WNT8B: variants seen among roughly 807,000 people sequenced by gnomAD.
WNT8B encodes the protein protein Wnt-8b.
In WNT8B, 24 loss-of-function variants were observed where a neutral mutation model predicts 36.6. The observed-to-expected ratio is 0.66, with a 90% CI of 0.48 to 0.92. WNT8B has a LOEUF of 0.92. Ranked by LOEUF, WNT8B falls within the 40% of genes least tolerant of loss-of-function variation. WNT8B has a pLI of 0.00. For synonymous variants in WNT8B, 199 were observed against 189.8 expected (o/e 1.05, Z -0.40); for missense variants, 402 against 470.8 (o/e 0.85, Z 1.35).
chr10:100,478,590 T>TG (rs1422964681), intron 1 of WNT8B, among the ~76,000 whole-genome samples: 1 of 152,028 alleles, frequency 6.6e-6, no homozygotes, highest in Non-Finnish European at 1.5e-5. Context: ...TGTTTTTTTT[T>TG]TTTTGTTTTG....
rs566864158 is a variant in WNT8B at position 100,483,653 on chromosome 10, C to T, written c.*837C>T. The T allele has an allele frequency of 6.6e-6, 1 of 152,240 alleles. No individual in the cohort carries two copies. The highest frequency in any genetic ancestry group is 2.4e-5 in the African/African-American group (1 of 41,440). 9.4% of individuals were successfully genotyped at this position (152,240 alleles called of 1,614,324 possible). A position where few individuals can be genotyped will look rare whatever the true frequency, so the allele number is the denominator to read the frequency against. ...ACTTCCTCCTAGCAACCAACTTTAC[C>T]TCTTCTTCTCCAAAGGATCTTTGTT... On this transcript the variant is annotated 3_prime_UTR_variant, in exon 6 of 6. Transcript: ENST00000343737.
chr10:100,478,789 G>C (rs771320649), intron 1 of WNT8B, among the ~76,000 whole-genome samples: 2 of 151,922 alleles, frequency 1.3e-5, no homozygotes, highest in Non-Finnish European at 2.9e-5. Context: ...ACTATGTTTG[G>C]CCATGCTGGT....
intron 1 of WNT8B, among the ~76,000 whole-genome samples, chr10:100,463,524 T>C (rs987835588): frequency 6.6e-6 from 1 of 152,202 alleles, no homozygotes; most frequent in African/African-American, 2.4e-5. Context: ...AGCAGCCCTT[T>C]TCACGAAATC....
At chr10:100,470,103 C>T (rs748194781) in intron 1 of WNT8B, among the ~76,000 whole-genome samples, 2 of 152,172 alleles carry the variant, frequency 1.3e-5, no homozygotes, top group Admixed American at 6.5e-5. Context: ...ATGTCTCTCT[C>T]CTAAAGTAGA....
chr10:100,479,226 G>A (rs1589725649), intron 2 of WNT8B, 141 bp downstream of exon 2: 1 of 784,192 alleles, frequency 1.3e-6, no homozygotes, highest in South Asian at 2.5e-5. Context: ...AGACCCAGAG[G>A]GTGTTAGGGA....
intron 1 of WNT8B, among the ~76,000 whole-genome samples, chr10:100,475,016 G>A (rs988660888): frequency 6.6e-6 from 1 of 152,012 alleles, no homozygotes; most frequent in African/African-American, 2.4e-5. Flanking sequence ...CAAGGTGGGC[G>A]GATCACCTGA....
At chr10:100,470,794 C>T (rs751106689) in intron 1 of WNT8B, among the ~76,000 whole-genome samples, 26 of 152,126 alleles carry the variant, frequency 1.7e-4, no homozygotes, top group Middle Eastern at 3.2e-3. Flanking sequence ...TAGGCTGGAG[C>T]GCAGTGGCGC....
At position 100,482,807 on chromosome 10, in the gene WNT8B, A is replaced by C; in HGVS notation, c.1047A>C (p.Arg349Ser). 9 of 1,569,318 alleles carry C rather than the reference A, an allele frequency of 5.7e-6. No individual in the cohort carries two copies. The highest frequency in any genetic ancestry group is 7.8e-6 in the Non-Finnish European group (9 of 1,156,486). The change falls in exon 6 of 6, where the codon AGA (arginine) becomes AGC (serine). Residue 349 changes from arginine to serine, a missense_variant. By Grantham distance (110) the Arg-to-Ser change is moderately radical (BLOSUM62 -1). Transcript: ENST00000343737. This position sits in a 1 kb window ranked among gnomAD's most constrained non-coding sequence, Gnocchi z 6.6. ...GGGGCGCTGCGCACAAACCCGGGAG[A>C]AAACCCTAAGGGTTTCCTCTGCCCC... ...PRGGAAHKPG[R>S]KP
In WNT8B at chr10:100,479,061, C is replaced by T; in HGVS notation, c.78C>T (p.Asn26=). The change falls in exon 2 of 6, where the codon AAC becomes AAT. Residue 26 remains asparagine (N), a synonymous_variant. Coordinates refer to ENST00000343737, the MANE Select transcript of WNT8B (RefSeq NM_003393.4). Reference sequence around the variant, plus strand: ...TTTTTTTCCCTTATAGGTCGGTGAACAATTTCCTGATGACTGGTCCAAAGG... The same window carrying T: ...TTTTTTTCCCTTATAGGTCGGTGAATAATTTCCTGATGACTGGTCCAAAGG... The part of the protein sequence containing the change: ...VLQLSHSWSV[N]NFLMTGPKAY... 2 of 1,599,180 alleles carry T rather than the reference C, an allele frequency of 1.3e-6. No individual in the cohort carries two copies. Among genetic ancestry groups the T allele is most frequent in the Non-Finnish European group, 8.5e-7 (1 of 1,176,236 alleles).
At chr10:100,464,278 C>T (rs1850887814) in intron 1 of WNT8B, among the ~76,000 whole-genome samples, 1 of 152,080 alleles carries the variant, frequency 6.6e-6, no homozygotes, top group Admixed American at 6.5e-5. Context: ...CAAGTTAATA[C>T]AATAATTTGC....
rs1166533041 is a variant in WNT8B, at chr10:100,483,080, G to A, written c.*264G>A. On this transcript the variant is annotated 3_prime_UTR_variant, in exon 6 of 6. Coordinates refer to ENST00000343737, the MANE Select transcript of WNT8B (RefSeq NM_003393.4). ...GAGTTACTGATCTTCCTTGGATTAG[G>A]AGAACAGGTGTTCCTCCTCCCCTCT... 1.6e-5 allele frequency: 7 copies of A among 425,574 alleles called. No homozygotes were observed. The highest frequency in any genetic ancestry group is 2.5e-5 in the Non-Finnish European group (6 of 243,030). The allele number at this position is 425,574 out of a possible 1,614,324, so 26.4% of individuals were successfully genotyped here. A position where few individuals can be genotyped will look rare whatever the true frequency, so the allele number is the denominator to read the frequency against.
intron 1 of WNT8B, 52 bp downstream of exon 1, chr10:100,463,288 T>A: frequency 6.4e-7 from 1 of 1,550,490 alleles, no homozygotes; most frequent in Middle Eastern, 1.7e-4. Context: ...GTGTATGTAA[T>A]GTGTTGGGTA....
At chr10:100,472,255 C>T (rs939276453) in intron 1 of WNT8B, among the ~76,000 whole-genome samples, 4 of 151,592 alleles carry the variant, frequency 2.6e-5, no homozygotes, top group Admixed American at 6.6e-5. Context: ...GGACTACAGG[C>T]ACCCGCCACC....
At chr10:100,474,867 C>T (rs1409564984) in intron 1 of WNT8B, among the ~76,000 whole-genome samples, 1 of 150,934 alleles carries the variant, frequency 6.6e-6, no homozygotes, top group Admixed American at 6.6e-5. Context: ...CCAGCTGAGT[C>T]TTTTCTTAAT....
intron 1 of WNT8B, among the ~76,000 whole-genome samples, chr10:100,466,778 G>A (rs1247044997): frequency 6.6e-6 from 1 of 151,278 alleles, no homozygotes; most frequent in African/African-American, 2.4e-5. Flanking sequence ...CTTTTTCCCA[G>A]CTGGGAAAAT....
chr10:100,477,039 A>G (rs1474411226), intron 1 of WNT8B, among the ~76,000 whole-genome samples: 1 of 152,188 alleles, frequency 6.6e-6, no homozygotes, highest in Non-Finnish European at 1.5e-5. Flanking sequence ...TTACAGCCAC[A>G]TCCATCCCCC....
intron 4 of WNT8B, 32 bp downstream of exon 4, chr10:100,481,155 G>A (rs557430650): frequency 1.2e-6 from 2 of 1,610,008 alleles, no homozygotes; most frequent in South Asian, 1.1e-5. Context: ...GGTACCATAG[G>A]CCAGCCAACG....
At position 100,481,114 on chromosome 10, in the gene WNT8B, G is replaced by A. The variant is rs1315541597; in HGVS notation, c.358G>A (p.Gly120Arg). 2.5e-6 allele frequency: 4 copies of A among 1,613,938 alleles called. No individual in the cohort carries two copies. The highest frequency in any genetic ancestry group is 3.4e-6 in the Non-Finnish European group (4 of 1,179,946). Reference protein sequence around the residue: ...DNCGCDDSRNGQLGGQGWLWG... With the variant: ...DNCGCDDSRNRQLGGQGWLWG... The stretch of plus-strand genomic sequence containing the variant: ...CTGTGGCTGTGATGACTCCCGCAAC[G>A]GGCAACTGGGTGAGTAGTAATGTAG... Residue 120 changes from glycine (G) to arginine (R), a missense_variant, in exon 4 of 6, where the codon GGG becomes AGG. Gly to Arg is a moderately radical substitution (Grantham distance 125, BLOSUM62 -2). Transcript: ENST00000343737.
chr10:100,463,210 C>A lies in WNT8B; in HGVS notation c.42C>A (p.Thr14=). Reference sequence around the variant, plus strand: ...CTTCTGTGTACATCTGTCTTTTCACCTGTGTCCTCCAACTCAGCCACAGCT... The same window carrying A: ...CTTCTGTGTACATCTGTCTTTTCACATGTGTCCTCCAACTCAGCCACAGCT... The part of the protein sequence containing the change: ...SKPSVYICLF[T]CVLQLSHSWS... The change falls in exon 1 of 6, where the codon ACC becomes ACA. Residue 14 remains threonine, a synonymous_variant. Transcript: ENST00000343737. 4 of 1,613,902 alleles carry A rather than the reference C, an allele frequency of 2.5e-6. No individual in the cohort carries two copies. The highest frequency in any genetic ancestry group is 2.2e-5 in the South Asian group (2 of 91,046).
Sources: allele counts gnomAD v4.1 joint callset (sites outside exome capture counted in the v4.1 genomes callset), GRCh38; gene constraint gnomAD v4.1.1; non-coding constraint Gnocchi (gnomAD v3.1); transcripts MANE v1.5; gene names NCBI Gene and HGNC (gene_info 2026-07-23, HGNC 2026-07-21).